Variants in KDM6A observed in about 807,000 individuals in gnomAD.
The protein encoded by KDM6A is lysine demethylase 6A, also known as lysine-specific demethylase 6A.
A neutral mutation model predicts 117.6 loss-of-function variants in KDM6A; 11 were observed. That is an observed-to-expected ratio of 0.09 (90% CI 0.06 to 0.15). The LOEUF (loss-of-function observed/expected upper bound fraction) is 0.15, where lower values mean the gene tolerates loss of function less well. Among genes scored for constraint, KDM6A ranks in the 10% least tolerant of loss-of-function variants. The pLI is 1.00. For synonymous variants in KDM6A, 384 were observed against 396.1 expected (o/e 0.97, Z 0.36); for missense variants, 799 against 1,077.3 (o/e 0.74, Z 3.62).
At chrX:45,041,538 G>T (rs1312154115) in intron 8 of KDM6A, among the ~76,000 whole-genome samples, 2 of 109,636 alleles carry the variant, frequency 1.8e-5, no homozygotes, top group East Asian at 6.0e-4. Flanking sequence ...TCTCAGACAG[G>T]GCGGTTGCCA....
intron 6 of KDM6A, among the ~76,000 whole-genome samples, chrX:45,028,574 T>C (rs1193370191): frequency 8.9e-6 from 1 of 112,325 alleles, no homozygotes; most frequent in Non-Finnish European, 1.9e-5. Flanking sequence ...GTAACATCAC[T>C]GTTCCTTTTG....
chrX:44,873,910 G>A lies in KDM6A; in HGVS notation c.162-14G>A, dbSNP rs1391152497. ...CCCTGAGCGTTAACGAGTAAACTGT[G>A]TCTGTCTCCACAGCCGCCTCTTTGG... On this transcript the variant is annotated splice_polypyrimidine_tract_variant and intron_variant, in intron 1 of 29. Transcript: ENST00000611820. 1 of 1,209,200 alleles carries A rather than the reference G, an allele frequency of 8.3e-7. No homozygotes were observed. Among genetic ancestry groups the A allele is most frequent in the East Asian group, 3.0e-5 (1 of 33,783 alleles).
intron 10 of KDM6A, among the ~76,000 whole-genome samples, chrX:45,058,086 C>T (rs868118170): frequency 1.1e-4 from 8 of 75,564 alleles, no homozygotes; most frequent in South Asian, 1.1e-3. Flanking sequence ...CCCCCCCCCC[C>T]CTTTTTTTTT....
At position 45,110,151 on chromosome X, in the gene KDM6A, G is replaced by A. The variant is rs2148306068; in HGVS notation, c.4234G>A (p.Asp1412Asn). 4 of 1,209,874 alleles carry A rather than the reference G, an allele frequency of 3.3e-6. No homozygotes were observed. The highest frequency in any genetic ancestry group is 4.5e-6 in the Non-Finnish European group (4 of 893,971). The change falls in exon 29 of 30, where the codon GAT becomes AAT. Residue 1412 changes from aspartate (D) to asparagine (N), a missense_variant. Coordinates refer to ENST00000611820, the MANE Select transcript of KDM6A (RefSeq NM_001291415.2). Reference sequence around the variant, plus strand: ...AAAGACCTACATAGTACATTGCCAAGATTGTGCACGAAAAACAAGCGGAAA... The same window carrying A: ...AAAGACCTACATAGTACATTGCCAAAATTGTGCACGAAAAACAAGCGGAAA... ...SRKTYIVHCQ[D>N]CARKTSGNLE...
rs2044281534 is a variant in KDM6A, at chrX:45,061,392, A to G, written c.1554A>G (p.Ser518=). ...CTCCAGTACAGCAACAAGCTCATTC[A>G]TGGTGTTTGACACCACAGAAATTAC... The part of the protein sequence containing the change: ...SHPPVQQQAH[S]WCLTPQKLQH... The change falls in exon 15 of 30, where the codon TCA becomes TCG. Residue 518 remains serine, a synonymous_variant. Transcript: ENST00000611820. The G allele has an allele frequency of 5.2e-6, 6 of 1,162,684 alleles. No individual in the cohort carries two copies. The highest frequency in any genetic ancestry group is 7.0e-6 in the Non-Finnish European group (6 of 856,230).
At chrX:45,000,306 A>G (rs1197529679) in intron 4 of KDM6A, among the ~76,000 whole-genome samples, 1 of 112,288 alleles carries the variant, frequency 8.9e-6, no homozygotes, top group African/African-American at 3.2e-5. Context: ...ATTTGATTTC[A>G]GGTTTTAAAT....
chrX:45,060,083 T>C lies in KDM6A; in HGVS notation c.1256T>C (p.Ile419Thr). ...AATAAAACTAAATTACTTCCTAGTA[T>C]TGAGGAGGCGTGGAGCCTACCAATT... ...LQNKTKLLPSIEEAWSLPIPA... is the reference protein window; with the variant it reads ...LQNKTKLLPSTEEAWSLPIPA... The change falls in exon 13 of 30, where the codon ATT becomes ACT. Residue 419 changes from isoleucine to threonine, a missense_variant. Physicochemically the swap from Ile to Thr is moderately conservative, Grantham distance 89 (BLOSUM62 -1). Coordinates refer to ENST00000611820, the MANE Select transcript of KDM6A (RefSeq NM_001291415.2). The C allele has an allele frequency of 1.7e-6, 2 of 1,210,767 alleles. No individual in the cohort carries two copies. Among genetic ancestry groups the C allele is most frequent in the Non-Finnish European group, 1.1e-6 (1 of 895,034 alleles).
Position 44,873,571 on chromosome X carries a change from C to T in KDM6A, c.20C>T (p.Ser7Leu), listed in dbSNP as rs770931883. ...GTTTCCATGAAATCCTGCGGAGTGT[C>T]GCTCGCTACCGCCGCCGCTGCCGCC... MKSCGVSLATAAAAAAA... is the reference protein window; with the variant it reads MKSCGVLLATAAAAAAA... The change falls in exon 1 of 30, where the codon TCG (serine) becomes TTG (leucine). Residue 7 changes from serine to leucine, a missense_variant. By Grantham distance (145) the Ser-to-Leu change is moderately radical. Coordinates refer to ENST00000611820, the MANE Select transcript of KDM6A (RefSeq NM_001291415.2). 1 of 1,205,571 alleles carries T rather than the reference C, an allele frequency of 8.3e-7. No individual in the cohort carries two copies. The highest frequency in any genetic ancestry group is 1.1e-6 in the Non-Finnish European group (1 of 893,374).
chrX:45,038,595 G>GC (rs1274291994), intron 8 of KDM6A, among the ~76,000 whole-genome samples: 10 of 106,083 alleles, frequency 9.4e-5, no homozygotes, highest in Middle Eastern at 4.7e-3. Flanking sequence ...AACACATTTG[G>GC]GGGGGGGTGG....
At position 45,075,858 on chromosome X, in the gene KDM6A, A is replaced by G. The variant is rs756594160; in HGVS notation, c.2859-839A>G. Among the ~76,000 whole-genome samples, 9 of 111,890 alleles carry G rather than the reference A, an allele frequency of 8.0e-5. 1 individual carries two copies. The Admixed American group carries it at 8.5e-4, about 11-fold the overall frequency. ...ATTACTTGAAATTTAATATATTAAG[A>G]GTACTTAATATTTTAATGCATTGAT... On this transcript the variant is annotated intron_variant, in intron 18 of 29. Transcript: ENST00000611820.
chrX:44,955,718 A>G (rs1366324840), intron 2 of KDM6A, among the ~76,000 whole-genome samples: 2 of 111,419 alleles, frequency 1.8e-5, no homozygotes, highest in African/African-American at 6.5e-5. Context: ...TCCCTAAAAT[A>G]GTCTTATTTT....
At chrX:45,019,049 CAT>C (rs1370696108) in intron 5 of KDM6A, among the ~76,000 whole-genome samples, 1 of 111,390 alleles carries the variant, frequency 9.0e-6, no homozygotes, top group Non-Finnish European at 1.9e-5. Flanking sequence ...CCAGTCACAC[CAT>C]ATGTTTTAAT....
At chrX:45,021,497 A>G (rs2042169440) in intron 6 of KDM6A, among the ~76,000 whole-genome samples, 1 of 111,525 alleles carries the variant, frequency 9.0e-6, no homozygotes, top group Admixed American at 9.6e-5. Context: ...ATTGCAGACT[A>G]TCTTGATTCT....
At chrX:45,044,696 T>C (rs2043445361) in intron 8 of KDM6A, among the ~76,000 whole-genome samples, 1 of 112,159 alleles carries the variant, frequency 8.9e-6, no homozygotes, top group Non-Finnish European at 1.9e-5. Flanking sequence ...AACTTAATCT[T>C]GTATCTTGGA....
intron 8 of KDM6A, among the ~76,000 whole-genome samples, chrX:45,041,875 C>A (rs2043239862): frequency 9.0e-6 from 1 of 110,681 alleles, no homozygotes; most frequent in Non-Finnish European, 1.9e-5. Context: ...GCTGCAATCT[C>A]GGCACTTTGG....
At chrX:44,917,173 C>G (rs1391545947) in intron 2 of KDM6A, among the ~76,000 whole-genome samples, 3 of 110,016 alleles carry the variant, frequency 2.7e-5, no homozygotes, top group Non-Finnish European at 5.7e-5. Flanking sequence ...TTAACAGGCA[C>G]GTGCCACCAT....
chrX:44,973,859 A>T (rs2039484660), intron 3 of KDM6A, among the ~76,000 whole-genome samples: 1 of 110,164 alleles, frequency 9.1e-6, no homozygotes, highest in Admixed American at 9.7e-5. Flanking sequence ...ACCGAATTTA[A>T]TTTTTTTTAG....
chrX:44,888,245 C>T (rs1479627285), intron 2 of KDM6A, among the ~76,000 whole-genome samples: 3 of 110,339 alleles, frequency 2.7e-5, no homozygotes, highest in Admixed American at 1.9e-4. Flanking sequence ...TGGAGGTTGG[C>T]GGTGAGCCGA....
At position 45,034,977 on chromosome X, in the gene KDM6A, A is replaced by G. The variant is rs1207193078; in HGVS notation, c.611A>G (p.Asn204Ser). Residue 204 changes from asparagine (N) to serine (S), a missense_variant, in exon 7 of 30, where the codon AAT (asparagine) becomes AGT (serine). By Grantham distance (46) the Asn-to-Ser change is conservative. Coordinates refer to ENST00000611820, the MANE Select transcript of KDM6A (RefSeq NM_001291415.2). ...LVDCNPCTLS[N>S]AEIQFHIAHL... is the part of the protein sequence containing the mutation. ...GACTGTAATCCCTGCACTTTGTCCAATGCTGAAAGTAAGTATTATTAAGTA... is the reference window on the plus strand; with the variant it reads ...GACTGTAATCCCTGCACTTTGTCCAGTGCTGAAAGTAAGTATTATTAAGTA... The G allele has an allele frequency of 2.5e-6, 3 of 1,191,404 alleles. No individual in the cohort carries two copies. The highest frequency in any genetic ancestry group is 2.3e-6 in the Non-Finnish European group (2 of 876,976).
Sources: allele counts gnomAD v4.1 joint callset (sites outside exome capture counted in the v4.1 genomes callset), GRCh38; gene constraint gnomAD v4.1.1; transcripts MANE v1.5; gene names NCBI Gene and HGNC (gene_info 2026-07-23, HGNC 2026-07-21).